Variants in PCDHA3 observed in about 807,000 individuals in gnomAD.
The protein encoded by PCDHA3 is protocadherin alpha-3.
A neutral mutation model predicts 62.2 loss-of-function variants in PCDHA3; 41 were observed. The ratio of observed to expected loss-of-function variants is 0.66; its 90% CI spans 0.51 to 0.86. The LOEUF (loss-of-function observed/expected upper bound fraction) is 0.86. Ranked by LOEUF, PCDHA3 falls within the 40% of genes least tolerant of loss-of-function variation. The probability of loss-of-function intolerance (pLI) is 0.00; values close to 1 mark genes in which losing one functional copy is unlikely to be tolerated. For missense variants in PCDHA3, 1,304 were observed against 1,241.2 expected (o/e 1.05, Z -0.76); for synonymous variants, 640 against 555.4 (o/e 1.15, Z -2.14).
chr5:140,908,442 T>A (rs2073975632), intron 1 of PCDHA3, among the ~76,000 whole-genome samples: 1 of 152,160 alleles, frequency 6.6e-6, no homozygotes, highest in Non-Finnish European at 1.5e-5. Flanking sequence ...CACCCCACTT[T>A]ATGGCTAGAT....
intron 1 of PCDHA3, chr5:140,812,147 T>TTTGTTGTTGTTGTTGTTGTTG (rs2126635624): frequency 1.4e-4 from 21 of 150,790 alleles, no homozygotes; most frequent in East Asian, 3.9e-4. Flanking sequence ...GTTTTGGGCT[T>TTTGTTGTTGTTGTTGTTGTTG]TTGTTGTTGT....
At chr5:140,899,251 G>A (rs1322090098) in intron 1 of PCDHA3, among the ~76,000 whole-genome samples, 1 of 152,082 alleles carries the variant, frequency 6.6e-6, no homozygotes, top group Non-Finnish European at 1.5e-5. Flanking sequence ...GTGAGAGAGG[G>A]CATCCCTGTC....
intron 1 of PCDHA3, among the ~76,000 whole-genome samples, chr5:140,909,531 G>A (rs2074565633): frequency 6.6e-6 from 1 of 152,160 alleles, no homozygotes. Flanking sequence ...CACATTTTGA[G>A]TCCTTGATGG....
intron 1 of PCDHA3, among the ~76,000 whole-genome samples, chr5:140,976,072 T>C (rs1193049661): frequency 6.6e-6 from 1 of 152,250 alleles, no homozygotes; most frequent in South Asian, 2.1e-4. Context: ...TGTCTTACTG[T>C]GTCAGATATA....
intron 1 of PCDHA3, chr5:140,856,833 G>T (rs1554149194): frequency 1.9e-6 from 3 of 1,591,548 alleles, no homozygotes; most frequent in Admixed American, 1.7e-5. Flanking sequence ...TTAGTAATAC[G>T]GCTCAACGCT....
intron 1 of PCDHA3, among the ~76,000 whole-genome samples, chr5:140,839,858 G>A (rs2150301292): frequency 6.6e-6 from 1 of 152,038 alleles, no homozygotes; most frequent in East Asian, 1.9e-4. Context: ...TACTTTTGAG[G>A]TGGACTTTGA....
rs149174279 is a variant in PCDHA3, at chr5:140,843,203, A to G, written c.2394+39612A>G. 525 of 1,595,940 alleles carry G rather than the reference A, an allele frequency of 3.3e-4. 48 individuals carry two copies. Among genetic ancestry groups the G allele is most frequent in the Non-Finnish European group, 7.1e-5 (83 of 1,165,544 alleles). ...CATCCCGTTCCGCGTGGGGCTGTAC[A>G]CGGGCGAGATCAGCACCACTCGTGT... is the stretch of plus-strand genomic sequence containing the variant. On this transcript the variant is annotated intron_variant, in intron 1 of 3. Coordinates refer to ENST00000522353, the MANE Select transcript of PCDHA3 (RefSeq NM_018906.3).
intron 1 of PCDHA3, chr5:140,870,262 T>C (rs2051814541): frequency 6.2e-7 from 1 of 1,614,182 alleles, no homozygotes; most frequent in Non-Finnish European, 8.5e-7. Context: ...GGTGACCTGC[T>C]CGCTGACGCC....
In PCDHA3 at chr5:140,927,334, G is replaced by A. The variant is rs201745433; in HGVS notation, c.2395-51615G>A. The A allele has an allele frequency of 4.6e-5, 74 of 1,614,180 alleles. No individual in the cohort carries two copies. Among genetic ancestry groups the A allele is most frequent in the Non-Finnish European group, 5.9e-5 (70 of 1,180,032 alleles). ...CGGAGCCCGCTTTACTCTCCCGAAT[G>A]CCCAAGATGACGACGAGGGAAGCAA... On this transcript the variant is annotated intron_variant, in intron 1 of 3. Transcript: ENST00000522353.
At chr5:140,831,854 T>C (rs1358095738) in intron 1 of PCDHA3, among the ~76,000 whole-genome samples, 1 of 152,174 alleles carries the variant, frequency 6.6e-6, no homozygotes, top group Non-Finnish European at 1.5e-5. Context: ...GTCATAAAGC[T>C]TTAGTAAGTT....
chr5:140,831,360 GTA>G (rs1292764909), intron 1 of PCDHA3: 3 of 103,666 alleles, frequency 2.9e-5, no homozygotes, highest in African/African-American at 1.2e-4. Flanking sequence ...TCACTATTTT[GTA>G]TGTGTGTGTG....
chr5:140,902,599 G>T (rs981296505), intron 1 of PCDHA3, among the ~76,000 whole-genome samples: 3 of 152,024 alleles, frequency 2.0e-5, no homozygotes, highest in African/African-American at 7.2e-5. Flanking sequence ...GAAACAGGTC[G>T]TTTTCAGTTA....
chr5:140,870,420 G>A (rs371557347), intron 1 of PCDHA3: 9 of 1,614,234 alleles, frequency 5.6e-6, no homozygotes, highest in Admixed American at 1.7e-5. Context: ...CCACGGCCAG[G>A]GTATCCGTGG....
intron 1 of PCDHA3, among the ~76,000 whole-genome samples, chr5:140,826,287 CT>C (rs1768883103): frequency 6.6e-6 from 1 of 152,006 alleles, no homozygotes; most frequent in South Asian, 2.1e-4. Flanking sequence ...TGCAGCTTGT[CT>C]TTTTTATAGG....
chr5:140,802,981 G>A lies in PCDHA3; in HGVS notation c.1784G>A (p.Arg595His). 1 of 1,614,028 alleles carries A rather than the reference G, an allele frequency of 6.2e-7. No individual in the cohort carries two copies. Among genetic ancestry groups the A allele is most frequent in the Non-Finnish European group, 8.5e-7 (1 of 1,179,936 alleles). ...VGAGHVVAKVRAVDADSGYNA... is the reference protein window; with the variant it reads ...VGAGHVVAKVHAVDADSGYNA... ...GCGGGCCACGTGGTAGCGAAGGTGC[G>A]CGCAGTGGATGCAGACTCAGGCTAC... The change falls in exon 1 of 4, where the codon CGC becomes CAC. Residue 595 changes from arginine to histidine, a missense_variant. By Grantham distance (29) the Arg-to-His change is conservative (BLOSUM62 0). Transcript: ENST00000522353.
intron 1 of PCDHA3, chr5:140,812,071 G>A (rs181584073): frequency 6.0e-4 from 90 of 149,810 alleles, no homozygotes; most frequent in African/African-American, 1.9e-3. Flanking sequence ...TTTTGGAAGA[G>A]TTTGAAAACA....
chr5:140,965,121 T>G (rs1454584682), intron 1 of PCDHA3, among the ~76,000 whole-genome samples: 6 of 152,178 alleles, frequency 3.9e-5, no homozygotes, highest in African/African-American at 1.4e-4. Flanking sequence ...TAGAGGAAGA[T>G]CTACAGATGA....
At chr5:140,933,659 C>G (rs552302723) in intron 1 of PCDHA3, among the ~76,000 whole-genome samples, 1 of 152,058 alleles carries the variant, frequency 6.6e-6, no homozygotes, top group East Asian at 1.9e-4. Context: ...TCCTGTCTCT[C>G]TCTCTGTCTC....
At chr5:140,946,894 T>C (rs1368559322) in intron 1 of PCDHA3, among the ~76,000 whole-genome samples, 1 of 151,402 alleles carries the variant, frequency 6.6e-6, no homozygotes, top group Non-Finnish European at 1.5e-5. Context: ...TACAATTAGA[T>C]AGGAAGAATA....
Sources: gnomAD v4.1 joint callset for allele counts (sites outside exome capture counted in the v4.1 genomes callset) on GRCh38, gnomAD v4.1.1 for gene constraint, MANE v1.5 for transcripts, NCBI Gene and HGNC (gene_info 2026-07-23, HGNC 2026-07-21) for gene names.